The following TBC1D30 variants were observed in gnomAD, a reference collection of about 807,000 sequenced individuals.
The protein encoded by TBC1D30 is TBC1 domain family member 30.
A neutral mutation model predicts 63.2 loss-of-function variants in TBC1D30; 31 were observed. That is an observed-to-expected ratio of 0.49 (90% CI 0.37 to 0.66). The LOEUF (loss-of-function observed/expected upper bound fraction) is 0.66, where lower values mean the gene tolerates loss of function less well. Ranked by LOEUF, TBC1D30 falls within the 30% of genes least tolerant of loss-of-function variation. The pLI is 0.00. For missense variants in TBC1D30, 810 were observed against 953.6 expected (o/e 0.85, Z 1.98); for synonymous variants, 307 against 361.5 (o/e 0.85, Z 1.71).
intron 2 of TBC1D30, among the ~76,000 whole-genome samples, chr12:64,810,131 G>T (rs114434347): frequency 2.7e-4 from 41 of 152,198 alleles, no homozygotes; most frequent in African/African-American, 8.9e-4. Flanking sequence ...TGATCTCAAG[G>T]CCTCGGAGAA....
chr12:64,819,968 C>G (rs1873790067), upstream of TBC1D30, among the ~76,000 whole-genome samples: 1 of 152,088 alleles, frequency 6.6e-6, no homozygotes, highest in Admixed American at 6.5e-5. Context: ...TGATGCTCAG[C>G]TTGTGTGCAT....
chr12:64,814,816 T>A (rs757398514), intron 2 of TBC1D30, among the ~76,000 whole-genome samples: 1 of 152,222 alleles, frequency 6.6e-6, no homozygotes, highest in Non-Finnish European at 1.5e-5. Flanking sequence ...ATTTCTCTAC[T>A]ACCAAAACTT....
chr12:64,873,925 G>GA (rs1189888254), intron 11 of TBC1D30, among the ~76,000 whole-genome samples: 1 of 152,160 alleles, frequency 6.6e-6, no homozygotes, highest in Non-Finnish European at 1.5e-5. Flanking sequence ...AAGGAAGAAG[G>GA]AAACTCGCAC....
In TBC1D30 at chr12:64,771,191, G is replaced by C. The variant is rs1487339657; in HGVS notation, c.-376+11542G>C. ...CCTTCTGCTTGGGCCATATACTCCA[G>C]CAGAGCCTAAGGTATTCCGTGTGTA... On this transcript the variant is annotated intron_variant, in intron 1 of 13. Coordinates refer to the TBC1D30 transcript ENST00000674237. 3.6e-4 allele frequency among the ~76,000 whole-genome samples: 55 copies of C among 151,798 alleles called. 2 individuals carry two copies. The highest frequency in any genetic ancestry group is 3.6e-3 in the Admixed American group (55 of 15,228).
In TBC1D30 at chr12:64,802,661, G is replaced by A. The variant is rs192939615; in HGVS notation, c.643+16616G>A. Among the ~76,000 whole-genome samples the A allele has an allele frequency of 9.0e-3, 1,367 of 151,942 alleles. 12 individuals are homozygous for A. The highest frequency in any genetic ancestry group is 0.032 in the South Asian group (155 of 4,794). The stretch of plus-strand genomic sequence containing the variant: ...ATCCCTCCCCCGTCCCCCACCGCAT[G>A]ACAGGCCCCGGTGTGTGATGTTCCC... On this transcript the variant is annotated intron_variant, in intron 2 of 12. Coordinates refer to the TBC1D30 transcript ENST00000542120.
chr12:64,854,430 T>G (rs533717671), intron 8 of TBC1D30, among the ~76,000 whole-genome samples: 6 of 152,244 alleles, frequency 3.9e-5, no homozygotes, highest in African/African-American at 1.4e-4. Flanking sequence ...CTTTATGTAC[T>G]GTCTATGTCT....
chr12:64,809,452 T>TA (rs1873078374), intron 2 of TBC1D30, among the ~76,000 whole-genome samples: 1 of 152,352 alleles, frequency 6.6e-6, no homozygotes, highest in African/African-American at 2.4e-5. Context: ...GGCTGAGTAA[T>TA]ATTCCATGGT....
At chr12:64,818,440 A>ATT (rs869243652) in intron 2 of TBC1D30, 235 of 810,660 alleles carry the variant, frequency 2.9e-4, no homozygotes, top group Middle Eastern at 6.3e-4. Flanking sequence ...ACTGTAAACT[A>ATT]TTTTTTTTTT....
At chr12:64,781,024 C>T in exon 1 of TBC1D30, 6 of 1,031,588 alleles carry the variant, frequency 5.8e-6, no homozygotes, top group African/African-American at 1.7e-5. Flanking sequence ...AGGCGTGCGG[C>T]GGCCGCACAA....
intron 10 of TBC1D30, among the ~76,000 whole-genome samples, chr12:64,870,330 T>C (rs1878554772): frequency 2.0e-5 from 3 of 152,208 alleles, no homozygotes; most frequent in African/African-American, 7.2e-5. Context: ...CAGTTGATGT[T>C]ATGTCTATAT....
At chr12:64,763,895 G>A (rs140684243) in intron 1 of TBC1D30, among the ~76,000 whole-genome samples, 153 of 152,288 alleles carry the variant, frequency 1.0e-3, no homozygotes, top group African/African-American at 3.4e-3. Flanking sequence ...CTCCCAAGGT[G>A]CTGGGATTAC....
intron 8 of TBC1D30, among the ~76,000 whole-genome samples, chr12:64,862,541 G>C (rs553673472): frequency 2.0e-5 from 3 of 152,148 alleles, no homozygotes; most frequent in African/African-American, 7.2e-5. Context: ...GGTGCAGTAG[G>C]GGGAGGATGT....
At chr12:64,793,192 A>T (rs1273632935) in intron 2 of TBC1D30, among the ~76,000 whole-genome samples, 1 of 151,886 alleles carries the variant, frequency 6.6e-6, no homozygotes, top group East Asian at 1.9e-4. Context: ...AATAAACAAA[A>T]ATTCGCTGGG....
chr12:64,795,297 G>T (rs968297795), intron 2 of TBC1D30, among the ~76,000 whole-genome samples: 1 of 152,160 alleles, frequency 6.6e-6, no homozygotes, highest in African/African-American at 2.4e-5. Flanking sequence ...GAGCCGAGTG[G>T]GGTGAAGAGA....
intron 2 of TBC1D30, among the ~76,000 whole-genome samples, chr12:64,803,756 A>C (rs1247907021): frequency 1.3e-5 from 2 of 152,138 alleles, no homozygotes; most frequent in Non-Finnish European, 2.9e-5. Flanking sequence ...TAAATAGGGA[A>C]TCCTTTCCCC....
chr12:64,798,776 A>G (rs1044190618), intron 2 of TBC1D30, among the ~76,000 whole-genome samples: 2 of 147,220 alleles, frequency 1.4e-5, no homozygotes, highest in Non-Finnish European at 3.0e-5. Flanking sequence ...GGGCCTCAGC[A>G]TCTGCCAGGC....
intron 6 of TBC1D30, among the ~76,000 whole-genome samples, chr12:64,838,047 T>C (rs1157924026): frequency 1.3e-5 from 2 of 152,232 alleles, no homozygotes; most frequent in Non-Finnish European, 2.9e-5. Context: ...CATAAAAATA[T>C]ATACTGATCA....
intron 1 of TBC1D30, chr12:64,785,863 A>G (rs541311628): frequency 1.6e-6 from 2 of 1,283,482 alleles, no homozygotes; most frequent in East Asian, 1.1e-4. Context: ...CGTTATTCTT[A>G]TTTTTCTTTA....
chr12:64,872,644 C>T (rs1178648237), intron 11 of TBC1D30, among the ~76,000 whole-genome samples: 1 of 152,184 alleles, frequency 6.6e-6, no homozygotes, highest in Non-Finnish European at 1.5e-5. Context: ...CCCGTAGGCA[C>T]TGCTGGTGCT....
Sources: gnomAD v4.1 joint callset for allele counts (sites outside exome capture counted in the v4.1 genomes callset) on GRCh38, gnomAD v4.1.1 for gene constraint, MANE v1.5 for transcripts, NCBI Gene and HGNC (gene_info 2026-07-23, HGNC 2026-07-21) for gene names.